The following HLA-DQB2 variants were observed in gnomAD, a reference collection of about 807,000 sequenced individuals.
HLA-DQB2 encodes major histocompatibility complex, class II, DQ beta 2.
Under a neutral mutation model 29.2 loss-of-function variants are expected in HLA-DQB2, and 24 were observed. The ratio of observed to expected loss-of-function variants is 0.82; its 90% CI spans 0.60 to 1.16. The LOEUF (loss-of-function observed/expected upper bound fraction) is 1.16. Ranked by LOEUF, HLA-DQB2 falls within the 50% of genes most tolerant of loss-of-function variation. HLA-DQB2 has a pLI of 0.00. For missense variants in HLA-DQB2, 273 were observed against 343.6 expected, an observed-to-expected ratio of 0.79 and a Z score of 1.62; for synonymous variants, 104 against 133.1, an observed-to-expected ratio of 0.78 and a Z score of 1.51.
intron 4 of HLA-DQB2, 42 bp downstream of exon 4, chr6:32,757,731 G>A (rs781568683): frequency 1.3e-6 from 2 of 1,501,694 alleles, no homozygotes; most frequent in Non-Finnish European, 1.8e-6. Context: ...AGAGGGTCTG[G>A]GTCACAGCTC....
chr6:32,756,748 C>A lies in HLA-DQB2; in HGVS notation c.782-282G>T, dbSNP rs1233428915. 7.0e-6 allele frequency: 9 copies of A among 1,288,560 alleles called. No individual in the cohort carries two copies. In the African/African-American group the frequency reaches 7.4e-5, roughly 11 times the overall value. The allele number at this position is 1,288,560 out of a possible 1,614,324, so 79.8% of individuals were successfully genotyped here. A position where few individuals can be genotyped will look rare whatever the true frequency, so the allele number is the denominator to read the frequency against. ...AAATTGGGTGACACTTCATCTCCACCACTAGCAGCCTCTTTTAGTCACTGA... is the reference window on the plus strand; with the variant it reads ...AAATTGGGTGACACTTCATCTCCACAACTAGCAGCCTCTTTTAGTCACTGA... On this transcript the variant is annotated intron_variant, in intron 5 of 5. Coordinates refer to ENST00000437316, the MANE Select transcript of HLA-DQB2 (RefSeq NM_001300790.2).
Position 32,761,684 on chromosome 6 carries a change from G to T in HLA-DQB2, c.340C>A (p.Leu114Met), listed in dbSNP as rs77574565. ...KVCRHNYEAE[L>M]RTTLQRQVEP... ...CCTTGCCGCTGCAAGGTCGTGCGCAGCTCCGCCTCGTAGTTGTGTCTGCAC... is the reference window on the plus strand; with the variant it reads ...CCTTGCCGCTGCAAGGTCGTGCGCATCTCCGCCTCGTAGTTGTGTCTGCAC... The change falls in exon 2 of 6, where the codon CTG becomes ATG. Residue 114 changes from leucine to methionine, a missense_variant. By Grantham distance (15) the Leu-to-Met change is conservative. Coordinates refer to ENST00000437316, the MANE Select transcript of HLA-DQB2 (RefSeq NM_001300790.2). 7.1e-6 allele frequency: 11 copies of T among 1,550,792 alleles called. No individual in the cohort carries two copies. Among genetic ancestry groups the T allele is most frequent in the Non-Finnish European group, 9.6e-6 (11 of 1,147,504 alleles).
Position 32,757,833 on chromosome 6 carries a change from A to C in HLA-DQB2, c.697T>G (p.Phe233Val). ...QSKMLSGIGG[F>V]VLGLIFLGLG... ...CCGAGGAAGATCAGCCCCAGCACGAAGCCTCCAATGCCACTCAGCATCTTG... is the reference window on the plus strand; with the variant it reads ...CCGAGGAAGATCAGCCCCAGCACGACGCCTCCAATGCCACTCAGCATCTTG... Residue 233 changes from phenylalanine to valine, a missense_variant, in exon 4 of 6, where the codon TTC becomes GTC. By Grantham distance (50) the Phe-to-Val change is conservative. Transcript: ENST00000437316. 1 of 1,614,006 alleles carries C rather than the reference A, an allele frequency of 6.2e-7. No homozygotes were observed. The highest frequency in any genetic ancestry group is 8.5e-7 in the Non-Finnish European group (1 of 1,179,916).
Position 32,758,927 on chromosome 6 carries a change from A to G in HLA-DQB2, c.569T>C (p.Ile190Thr), listed in dbSNP as rs1475801405. The G allele has an allele frequency of 1.2e-6, 2 of 1,613,828 alleles. No individual in the cohort carries two copies. Among genetic ancestry groups the G allele is most frequent in the Non-Finnish European group, 1.7e-6 (2 of 1,179,914 alleles). Residue 190 changes from isoleucine to threonine, a missense_variant, in exon 3 of 6, where the codon ATA becomes ACA. By Grantham distance (89) the Ile-to-Thr change is moderately conservative (BLOSUM62 -1). Transcript: ENST00000437316. Reference sequence around the variant, plus strand: ...GTAGATGTCTCCACGCTGGGGAGTTATTTCCAGCATCACCAGAATCTGGAA... The same window carrying G: ...GTAGATGTCTCCACGCTGGGGAGTTGTTTCCAGCATCACCAGAATCTGGAA... The part of the protein sequence containing the change: ...WTFQILVMLE[I>T]TPQRGDIYTC...
At chr6:32,757,068 G>T in intron 5 of HLA-DQB2, 1 of 1,410,126 alleles carries the variant, frequency 7.1e-7, no homozygotes, top group Non-Finnish European at 9.2e-7. Context: ...CGCCCAGACT[G>T]GAGTGCAGTG....
intron 5 of HLA-DQB2, 187 bp from the exon 6 acceptor site, chr6:32,756,653 T>C (rs1764285564): frequency 1.4e-6 from 2 of 1,394,756 alleles, no homozygotes; most frequent in Non-Finnish European, 1.9e-6. Flanking sequence ...TTCAGCTTGA[T>C]GCAGATATGT....
At position 32,756,447 on chromosome 6, in the gene HLA-DQB2, C is replaced by A; in HGVS notation, c.*6G>T. 1 of 1,532,754 alleles carries A rather than the reference C, an allele frequency of 6.5e-7. No homozygotes were observed. The allele number at this position is 1,532,754 out of a possible 1,614,324, so 94.9% of individuals were successfully genotyped here. A position where few individuals can be genotyped will look rare whatever the true frequency, so the allele number is the denominator to read the frequency against. ...ATGACCAATCCCAGACAAAAGTCCT[C>A]AGGAGTCAGTGCAGGAGTCCTGGAG... On this transcript the variant is annotated 3_prime_UTR_variant, in exon 6 of 6. Coordinates refer to ENST00000437316, the MANE Select transcript of HLA-DQB2 (RefSeq NM_001300790.2).
At chr6:32,759,347 A>G (rs1028936298) in intron 2 of HLA-DQB2, among the ~76,000 whole-genome samples, 3 of 152,262 alleles carry the variant, frequency 2.0e-5, no homozygotes, top group Non-Finnish European at 4.4e-5. Flanking sequence ...AGAACTTGCA[A>G]TCTAGTAACA....
chr6:32,758,565 A>G (rs758608736), intron 3 of HLA-DQB2, among the ~76,000 whole-genome samples: 20 of 152,200 alleles, frequency 1.3e-4, no homozygotes, highest in African/African-American at 4.1e-4. Flanking sequence ...AGAAGAGCCA[A>G]TTAAACCTCT....
intron 1 of HLA-DQB2, 59 bp from the exon 2 acceptor site, chr6:32,761,985 G>T: frequency 6.4e-7 from 1 of 1,557,044 alleles, no homozygotes; most frequent in Non-Finnish European, 8.7e-7. Flanking sequence ...CCAGCCCCCA[G>T]CCGGACCGCA....
rs148446699 is a variant in HLA-DQB2, at chr6:32,761,519, C to G, written c.364+141G>C. 2,511 of 930,850 alleles carry G rather than the reference C, an allele frequency of 2.7e-3. 9 individuals are homozygous for G. Among genetic ancestry groups the G allele is most frequent in the Non-Finnish European group, 3.4e-3 (2,183 of 637,516 alleles). 57.7% of individuals were successfully genotyped at this position (930,850 alleles called of 1,614,324 possible). ...CCCCGCCCCTCCGATACTACCCCAG[C>G]CTCCAAATCCCCGCCACCTTCCTGT... On this transcript the variant is annotated intron_variant, in intron 2 of 5. Transcript: ENST00000437316.
intron 3 of HLA-DQB2, among the ~76,000 whole-genome samples, 191 bp downstream of exon 3, chr6:32,758,659 T>C (rs1427367084): frequency 6.6e-6 from 1 of 152,230 alleles, no homozygotes; most frequent in Non-Finnish European, 1.5e-5. Flanking sequence ...GTGATCTCCC[T>C]GGTATCTGGA....
intron 1 of HLA-DQB2, 84 bp downstream of exon 1, chr6:32,763,290 G>C: frequency 1.4e-6 from 1 of 727,366 alleles, no homozygotes; most frequent in East Asian, 2.7e-5. Context: ...CTGAGATCAT[G>C]GAGATCACCA....
chr6:32,756,850 C>A (rs1339529208), intron 5 of HLA-DQB2: 1 of 1,183,050 alleles, frequency 8.5e-7, no homozygotes, highest in African/African-American at 1.5e-5. Flanking sequence ...CAAGATGTGG[C>A]TCTGTCCCCA....
At chr6:32,757,358 T>G (rs1764344483) in intron 4 of HLA-DQB2, 54 bp from the exon 5 acceptor site, 6 of 1,306,774 alleles carry the variant, frequency 4.6e-6, no homozygotes, top group Non-Finnish European at 6.5e-6. Flanking sequence ...AACCACTATC[T>G]TACCCCAAAG....
Position 32,756,370 on chromosome 6 carries a change from C to A in HLA-DQB2, c.*83G>T, listed in dbSNP as rs7774929. Reference sequence around the variant, plus strand: ...CTCTGACCTCAGTGGGACAGGGTGACACAGGCAGCTAGGAATTCTGGGCAG... The same window carrying A: ...CTCTGACCTCAGTGGGACAGGGTGAAACAGGCAGCTAGGAATTCTGGGCAG... On this transcript the variant is annotated 3_prime_UTR_variant, in exon 6 of 6. Coordinates refer to ENST00000437316, the MANE Select transcript of HLA-DQB2 (RefSeq NM_001300790.2). 60,861 of 874,228 alleles carry A rather than the reference C, an allele frequency of 0.07. 3,691 individuals carry two copies. The highest frequency in any genetic ancestry group is 0.25 in the African/African-American group (14,837 of 60,046). 54.2% of individuals were successfully genotyped at this position (874,228 alleles called of 1,614,324 possible). A position where few individuals can be genotyped will look rare whatever the true frequency, so the allele number is the denominator to read the frequency against.
intron 2 of HLA-DQB2, among the ~76,000 whole-genome samples, chr6:32,759,701 G>A (rs1005609587): frequency 6.6e-6 from 1 of 152,110 alleles, no homozygotes; most frequent in African/African-American, 2.4e-5. Flanking sequence ...GTAATTACTA[G>A]CTGCCTACCC....
At position 32,757,098 on chromosome 6, in the gene HLA-DQB2, C is replaced by T. The variant is rs1398854913; in HGVS notation, c.781+183G>A. 113 of 1,427,180 alleles carry T rather than the reference C, an allele frequency of 7.9e-5. 1 individual carries two copies. In the East Asian group the frequency reaches 2.7e-3, roughly 35 times the overall value. The allele number at this position is 1,427,180 out of a possible 1,614,324, so 88.4% of individuals were successfully genotyped here. The stretch of plus-strand genomic sequence containing the variant: ...GCAGTGGCGCCATCTTGGCTCACTG[C>T]AACCTCTGCCTCCTGGGTTCAAGTG... On this transcript the variant is annotated intron_variant, in intron 5 of 5. Transcript: ENST00000437316.
chr6:32,756,207 G>GCC lies in HLA-DQB2; in HGVS notation c.*244_*245dup. 1.9e-6 allele frequency: 1 copy of GCC among 521,388 alleles called. No homozygotes were observed. The highest frequency in any genetic ancestry group is 3.4e-6 in the Non-Finnish European group (1 of 293,780). The allele number at this position is 521,388 out of a possible 1,614,324, so 32.3% of individuals were successfully genotyped here. On this transcript the variant is annotated 3_prime_UTR_variant, in exon 6 of 6. Coordinates refer to ENST00000437316, the MANE Select transcript of HLA-DQB2 (RefSeq NM_001300790.2). The stretch of plus-strand genomic sequence containing the variant: ...GTGGGGGGAGAATGGAAACAGAGAT[G>GCC]CCCCTTGGGGCCTGAGTAGACACAG...
Sources: allele counts gnomAD v4.1 joint callset (sites outside exome capture counted in the v4.1 genomes callset), GRCh38; gene constraint gnomAD v4.1.1; transcripts MANE v1.5; gene names NCBI Gene and HGNC (gene_info 2026-07-23, HGNC 2026-07-21).